The following DLG2 variants were observed in gnomAD, a reference collection of about 807,000 sequenced individuals.
DLG2 encodes the protein discs large MAGUK scaffold protein 2, also known as disks large homolog 2.
In DLG2, 45 loss-of-function variants were observed where a neutral mutation model predicts 132.5. The observed-to-expected ratio is 0.34, with a 90% CI of 0.27 to 0.44. The LOEUF is 0.44. Among genes scored for constraint, DLG2 ranks in the 20% least tolerant of loss-of-function variants. The pLI, the probability that DLG2 is intolerant of heterozygous loss-of-function variation, is 1.00. For missense variants in DLG2, 1,045 were observed against 1,196.9 expected (o/e 0.87, Z 1.87); for synonymous variants, 424 against 419.6 (o/e 1.01, Z -0.13).
chr11:84,863,285 T>C (rs1298181659), intron 6 of DLG2, among the ~76,000 whole-genome samples: 2 of 152,104 alleles, frequency 1.3e-5, no homozygotes, highest in African/African-American at 4.8e-5. Context: ...ATTTAGATCT[T>C]TACTATGGCT....
chr11:84,310,764 A>T (rs1347404905), intron 7 of DLG2, among the ~76,000 whole-genome samples: 3 of 152,198 alleles, frequency 2.0e-5, no homozygotes, highest in Non-Finnish European at 4.4e-5. Flanking sequence ...TGCTGAGTTA[A>T]AACAAGCTGT....
At chr11:84,277,712 A>G (rs1201983826) in intron 7 of DLG2, among the ~76,000 whole-genome samples, 4 of 152,220 alleles carry the variant, frequency 2.6e-5, no homozygotes, top group Admixed American at 2.6e-4. Context: ...AAGGAAATAA[A>G]AAATAACAGC....
chr11:84,946,100 G>A lies in DLG2; in HGVS notation c.357+165561C>T, dbSNP rs147784322. Among the ~76,000 whole-genome samples the A allele has an allele frequency of 5.7e-4, 87 of 152,200 alleles. 1 individual carries two copies. Among genetic ancestry groups the A allele is most frequent in the African/African-American group, 1.6e-3 (68 of 41,524 alleles). On this transcript the variant is annotated intron_variant, in intron 6 of 27. Coordinates refer to ENST00000376104, the MANE Select transcript of DLG2 (RefSeq NM_001142699.3). The stretch of plus-strand genomic sequence containing the variant: ...AATGCTGACAGCCCTGTGCCTCTCC[G>A]TTAAGGGCAGTATCCTCCCTTTGGC...
At chr11:85,525,318 T>C (rs2074660217) in intron 3 of DLG2, among the ~76,000 whole-genome samples, 1 of 152,236 alleles carries the variant, frequency 6.6e-6, no homozygotes, top group Non-Finnish European at 1.5e-5. Context: ...TTAAAAATTG[T>C]ATTTGATGTA....
chr11:84,541,881 T>C (rs2099373176), intron 6 of DLG2, among the ~76,000 whole-genome samples: 1 of 152,180 alleles, frequency 6.6e-6, no homozygotes, highest in Admixed American at 6.5e-5. Context: ...CTGATGCTTG[T>C]GTGAGTCAGA....
intron 14 of DLG2, among the ~76,000 whole-genome samples, chr11:83,930,759 T>C (rs1450159240): frequency 6.6e-6 from 1 of 152,220 alleles, no homozygotes; most frequent in East Asian, 1.9e-4. Context: ...TAGCTGCTTA[T>C]AAGGAAGCTC....
intron 6 of DLG2, among the ~76,000 whole-genome samples, chr11:84,596,779 C>T (rs540465991): frequency 2.0e-5 from 3 of 152,204 alleles, no homozygotes; most frequent in South Asian, 2.1e-4. Flanking sequence ...TCAATGAAAA[C>T]GAAACTGAGG....
chr11:84,420,137 C>T (rs928286961), intron 7 of DLG2, among the ~76,000 whole-genome samples: 4 of 152,092 alleles, frequency 2.6e-5, no homozygotes, highest in East Asian at 1.9e-4. Context: ...AAAATTATCA[C>T]GTAAACCTTC....
intron 7 of DLG2, among the ~76,000 whole-genome samples, chr11:84,516,266 T>C (rs1356700312): frequency 2.6e-5 from 4 of 150,984 alleles, no homozygotes; most frequent in African/African-American, 4.9e-5. Flanking sequence ...AGAGAAACAC[T>C]GGAAATGAGC....
intron 4 of DLG2, among the ~76,000 whole-genome samples, chr11:85,200,817 T>C (rs2081402935): frequency 1.3e-5 from 2 of 151,986 alleles, no homozygotes. Context: ...CCCAGTCTGC[T>C]GCAGTTGGGA....
intron 6 of DLG2, among the ~76,000 whole-genome samples, chr11:84,906,867 T>G (rs544362220): frequency 1.0e-3 from 157 of 152,302 alleles, no homozygotes; most frequent in African/African-American, 3.6e-3. Context: ...ATTCCCTTCT[T>G]CTTTAAACTG....
At chr11:85,458,730 G>A (rs2092503445) in intron 3 of DLG2, among the ~76,000 whole-genome samples, 1 of 152,196 alleles carries the variant, frequency 6.6e-6, no homozygotes, top group Non-Finnish European at 1.5e-5. Flanking sequence ...CCAGTAGGTG[G>A]CACTTACACA....
At chr11:83,792,649 T>C (rs1176404651) in intron 17 of DLG2, among the ~76,000 whole-genome samples, 1 of 152,160 alleles carries the variant, frequency 6.6e-6, no homozygotes, top group East Asian at 1.9e-4. Context: ...TAGTCAGCTT[T>C]CTAATTTACA....
At chr11:84,648,080 G>C (rs552662004) in intron 6 of DLG2, among the ~76,000 whole-genome samples, 2 of 152,074 alleles carry the variant, frequency 1.3e-5, no homozygotes, top group Non-Finnish European at 1.5e-5. Flanking sequence ...AGTAAAAACA[G>C]GAACTAGATT....
At chr11:84,745,444 GT>G (rs2065237067) in intron 6 of DLG2, among the ~76,000 whole-genome samples, 1 of 152,102 alleles carries the variant, frequency 6.6e-6, no homozygotes, top group Non-Finnish European at 1.5e-5. Flanking sequence ...ATGATTGTAA[GT>G]TTTCTGAGGC....
intron 3 of DLG2, among the ~76,000 whole-genome samples, chr11:85,337,871 G>A (rs914441656): frequency 5.3e-5 from 8 of 152,158 alleles, no homozygotes; most frequent in Non-Finnish European, 7.3e-5. Context: ...GCAGATTTTC[G>A]AAAGAACAAA....
At chr11:84,096,418 T>TA (rs1235545334) in intron 10 of DLG2, among the ~76,000 whole-genome samples, 1 of 152,218 alleles carries the variant, frequency 6.6e-6, no homozygotes, top group African/African-American at 2.4e-5. Flanking sequence ...TTTACCTCTG[T>TA]AGGCATGGGG....
chr11:84,187,921 G>A (rs2096313605), intron 8 of DLG2, among the ~76,000 whole-genome samples: 1 of 152,110 alleles, frequency 6.6e-6, no homozygotes, highest in Non-Finnish European at 1.5e-5. Context: ...CTTTTGGAGA[G>A]AGCTGTAGAA....
chr11:83,824,754 A>G (rs1204668041), intron 17 of DLG2, among the ~76,000 whole-genome samples: 2 of 152,118 alleles, frequency 1.3e-5, no homozygotes, highest in Admixed American at 6.6e-5. Context: ...CTGCGAGAAA[A>G]GCTGGTGTTT....
Sources: allele counts gnomAD v4.1 joint callset (sites outside exome capture counted in the v4.1 genomes callset), GRCh38; gene constraint gnomAD v4.1.1; transcripts MANE v1.5; gene names NCBI Gene and HGNC (gene_info 2026-07-23, HGNC 2026-07-21).